The following PDE1C variants were observed in gnomAD, a reference collection of about 807,000 sequenced individuals.
PDE1C encodes dual specificity calcium/calmodulin-dependent 3',5'-cyclic nucleotide phosphodiesterase 1C.
In PDE1C, 62 loss-of-function variants were observed where a neutral mutation model predicts 93.1. That is an observed-to-expected ratio of 0.67 (90% CI 0.54 to 0.82). The LOEUF (loss-of-function observed/expected upper bound fraction) is 0.82. Ranked by LOEUF, PDE1C falls within the 40% of genes least tolerant of loss-of-function variation. The pLI, the probability that PDE1C is intolerant of heterozygous loss-of-function variation, is 0.00. For missense variants in PDE1C, 742 were observed against 884.6 expected, an observed-to-expected ratio of 0.84 and a Z score of 2.04; for synonymous variants, 325 against 310.1, an observed-to-expected ratio of 1.05 and a Z score of -0.50.
At chr7:32,023,550 T>C (rs1788989567) in intron 2 of PDE1C, among the ~76,000 whole-genome samples, 1 of 151,814 alleles carries the variant, frequency 6.6e-6, no homozygotes, top group Non-Finnish European at 1.5e-5. Flanking sequence ...GCATGAATCG[T>C]AAGACAAAAT....
chr7:31,690,796 C>G, the PDE1C span, among the ~76,000 whole-genome samples: 1 of 152,148 alleles, frequency 6.6e-6, no homozygotes, highest in Non-Finnish European at 1.5e-5. Context: ...AATGATTACT[C>G]TGATTCTAAG....
intron 1 of PDE1C, among the ~76,000 whole-genome samples, chr7:32,373,005 G>C (rs549794163): frequency 6.6e-6 from 1 of 152,286 alleles, no homozygotes; most frequent in African/African-American, 2.4e-5. Context: ...CTAACATATT[G>C]TTAATGCAAA....
rs113126780 is a variant in PDE1C at position 31,831,419 on chromosome 7, C to T, written c.1204-3046G>A. Among the ~76,000 whole-genome samples, 305 of 151,786 alleles carry T rather than the reference C, an allele frequency of 2.0e-3. 1 individual carries two copies. The highest frequency in any genetic ancestry group is 6.7e-3 in the African/African-American group (279 of 41,392). Reference sequence around the variant, plus strand: ...AGGAATAAGGCAAGATGCCAAGAGGCTAGGCAGAGAATAGACATTGAATTG... The same window carrying T: ...AGGAATAAGGCAAGATGCCAAGAGGTTAGGCAGAGAATAGACATTGAATTG... On this transcript the variant is annotated intron_variant, in intron 11 of 17. Transcript: ENST00000396191.
At chr7:32,072,599 T>C (rs1448558279), upstream of PDE1C, among the ~76,000 whole-genome samples, 1 of 152,148 alleles carries the variant, frequency 6.6e-6, no homozygotes, top group Non-Finnish European at 1.5e-5. Flanking sequence ...GCTGGCACCA[T>C]GTGGAAGTAC....
chr7:32,107,393 GTAA>G (rs1439562638), intron 3 of PDE1C, among the ~76,000 whole-genome samples: 4 of 152,060 alleles, frequency 2.6e-5, no homozygotes, highest in Non-Finnish European at 4.4e-5. Context: ...GGAATTTAAA[GTAA>G]TAATGGCTGT....
intron 1 of PDE1C, among the ~76,000 whole-genome samples, chr7:32,273,964 C>T (rs1022637817): frequency 6.6e-6 from 1 of 152,170 alleles, no homozygotes; most frequent in Non-Finnish European, 1.5e-5. Context: ...CAAAGCATGA[C>T]TTGAGTGTCA....
the PDE1C span, among the ~76,000 whole-genome samples, chr7:31,622,846 T>C: frequency 6.6e-5 from 10 of 151,888 alleles, no homozygotes; most frequent in Non-Finnish European, 1.0e-4. Flanking sequence ...ATCAACAAAA[T>C]TGATAGACCG....
chr7:31,894,243 T>C (rs1220483624), intron 2 of PDE1C, among the ~76,000 whole-genome samples: 1 of 152,212 alleles, frequency 6.6e-6, no homozygotes, highest in Admixed American at 6.5e-5. Context: ...GAGTGTTTCT[T>C]GAGAGGGAGT....
chr7:32,005,578 A>AAAAAAAC lies in PDE1C; in HGVS notation c.128+45975_128+45976insGTTTTTT, dbSNP rs1204630246. 7.3e-3 allele frequency among the ~76,000 whole-genome samples: 761 copies of AAAAAAAC among 103,752 alleles called. 100 individuals are homozygous for AAAAAAAC. The highest frequency in any genetic ancestry group is 0.031 in the African/African-American group (740 of 23,888). The allele number at this position is 103,752 out of a possible 152,430, so 68.1% of individuals were successfully genotyped here. A position where few individuals can be genotyped will look rare whatever the true frequency, so the allele number is the denominator to read the frequency against. On this transcript the variant is annotated intron_variant, in intron 2 of 17. Coordinates refer to ENST00000396191, the MANE Select transcript of PDE1C (RefSeq NM_001191057.4). ...TTCAAAAAAAAAAAAAAAAAAAAAA[A>AAAAAAAC]AAAGAATTGTGATCTGAGAAATCAC... is the stretch of plus-strand genomic sequence containing the variant.
At chr7:32,295,668 G>T (rs926219589) in intron 1 of PDE1C, among the ~76,000 whole-genome samples, 6 of 152,118 alleles carry the variant, frequency 3.9e-5, no homozygotes, top group African/African-American at 1.4e-4. Flanking sequence ...GAGGTGGGTG[G>T]ATCATGAGGT....
At chr7:31,750,581 C>T (rs1794100617), downstream of PDE1C, among the ~76,000 whole-genome samples, 1 of 152,138 alleles carries the variant, frequency 6.6e-6, no homozygotes. Context: ...GTCAGGAATT[C>T]TTATTATTCT....
intron 1 of PDE1C, among the ~76,000 whole-genome samples, chr7:32,347,796 C>T (rs758835821): frequency 5.9e-5 from 9 of 152,220 alleles, no homozygotes; most frequent in Non-Finnish European, 1.2e-4. Flanking sequence ...TTTTGATGAA[C>T]TCCAAAGCAG....
At chr7:31,979,619 C>T (rs1812120787) in intron 2 of PDE1C, among the ~76,000 whole-genome samples, 1 of 152,074 alleles carries the variant, frequency 6.6e-6, no homozygotes, top group African/African-American at 2.4e-5. Flanking sequence ...CTCCAGAGCC[C>T]ACATATGTAA....
At chr7:31,754,931 A>T (rs1794360208) in intron 17 of PDE1C, among the ~76,000 whole-genome samples, 1 of 152,234 alleles carries the variant, frequency 6.6e-6, no homozygotes, top group African/African-American at 2.4e-5. Flanking sequence ...CTAGAATGAA[A>T]TGCAAATTGT....
the PDE1C span, among the ~76,000 whole-genome samples, chr7:31,661,722 A>T: frequency 6.6e-6 from 1 of 152,212 alleles, no homozygotes; most frequent in African/African-American, 2.4e-5. Flanking sequence ...CTCAAAAAAT[A>T]AATATAATAA....
At position 31,773,631 on chromosome 7, in the gene PDE1C, C is replaced by G. The variant is rs140086005; in HGVS notation, c.1960+2033G>C. On this transcript the variant is annotated intron_variant, in intron 17 of 17. Transcript: ENST00000396191. ...ATCTACTCACTACTCAAAAGCAAGT[C>G]TGTAGAGTTGAAACAAATCCAAACT... Among the ~76,000 whole-genome samples the G allele has an allele frequency of 1.2e-3, 176 of 152,190 alleles. 1 individual carries two copies. Among genetic ancestry groups the G allele is most frequent in the Non-Finnish European group, 1.9e-3 (132 of 68,032 alleles).
chr7:31,922,452 CCTA>C (rs1802748995), intron 2 of PDE1C, among the ~76,000 whole-genome samples: 1 of 152,144 alleles, frequency 6.6e-6, no homozygotes, highest in South Asian at 2.1e-4. Context: ...AGGCTGTAAT[CCTA>C]CTAACTTTTC....
chr7:31,749,031 A>G (rs1794064439), downstream of PDE1C, among the ~76,000 whole-genome samples: 1 of 152,166 alleles, frequency 6.6e-6, no homozygotes, highest in Non-Finnish European at 1.5e-5. Flanking sequence ...GTGGCTATCA[A>G]CCATCTCTAC....
intron 1 of PDE1C, among the ~76,000 whole-genome samples, chr7:32,371,568 C>CA (rs1217315075): frequency 6.6e-6 from 1 of 152,000 alleles, no homozygotes; most frequent in Non-Finnish European, 1.5e-5. Flanking sequence ...ATGGTGATTT[C>CA]AAAAAATGGC....
Sources: allele counts gnomAD v4.1 joint callset (sites outside exome capture counted in the v4.1 genomes callset), GRCh38; gene constraint gnomAD v4.1.1; transcripts MANE v1.5; gene names NCBI Gene and HGNC (gene_info 2026-07-23, HGNC 2026-07-21).